Variants in DDX18 observed in about 807,000 individuals in gnomAD.
DDX18 encodes DEAD-box helicase 18.
In DDX18, 23 loss-of-function variants were observed where a neutral mutation model predicts 73.5. That is an observed-to-expected ratio of 0.31 (90% CI 0.23 to 0.44). The LOEUF (loss-of-function observed/expected upper bound fraction) is 0.44, where lower values mean the gene tolerates loss of function less well. Among genes scored for constraint, DDX18 ranks in the 20% least tolerant of loss-of-function variants. The pLI is 1.00. For missense variants in DDX18, 753 were observed against 792.9 expected (o/e 0.95, Z 0.60); for synonymous variants, 268 against 282.7 (o/e 0.95, Z 0.52).
chr2:117,816,417 A>G (rs1466980778), intron 1 of DDX18, among the ~76,000 whole-genome samples: 1 of 144,766 alleles, frequency 6.9e-6, no homozygotes, highest in Non-Finnish European at 1.5e-5. Flanking sequence ...TTTTTATTTT[A>G]TTTTTTTTTC....
At chr2:117,827,371 G>T (rs1344531429) in intron 11 of DDX18, 1 of 152,084 alleles carries the variant, frequency 6.6e-6, no homozygotes, top group East Asian at 1.9e-4. Context: ...AAGTTCTAGG[G>T]TACATGTGCA....
chr2:117,823,742 A>G (rs1573411867), intron 7 of DDX18, among the ~76,000 whole-genome samples: 1 of 152,298 alleles, frequency 6.6e-6, no homozygotes, highest in African/African-American at 2.4e-5. Context: ...CTTAGGGGAA[A>G]GCATTCAGTC....
rs1680038450 is a variant in DDX18, at chr2:117,832,206, TACTG to T, written c.*1484_*1487del. Reference sequence around the variant, plus strand: ...AAAAACAAAGGGAAGAATATTTAATTACTGAGCAGAAGTAAATACTGTTGGCATT... The same window carrying T: ...AAAAACAAAGGGAAGAATATTTAATTAGCAGAAGTAAATACTGTTGGCATT... On this transcript the variant is annotated 3_prime_UTR_variant, in exon 14 of 14. Transcript: ENST00000263239. 6.6e-6 allele frequency: 1 copy of T among 152,222 alleles called. No homozygotes were observed. Among genetic ancestry groups the T allele is most frequent in the African/African-American group, 2.4e-5 (1 of 41,450 alleles). The allele number at this position is 152,222 out of a possible 1,614,324, so 9.4% of individuals were successfully genotyped here.
At chr2:117,829,924 C>A (rs547322494) in intron 13 of DDX18, among the ~76,000 whole-genome samples, 70 of 152,242 alleles carry the variant, frequency 4.6e-4, no homozygotes, top group African/African-American at 1.7e-3. Flanking sequence ...AAGAAAGTGG[C>A]AAGTTCAGCA....
intron 10 of DDX18, 61 bp downstream of exon 10, chr2:117,825,660 C>A (rs573693594): frequency 1.8e-5 from 28 of 1,580,010 alleles, no homozygotes; most frequent in South Asian, 1.1e-4. Context: ...ACTTATTCTC[C>A]CAGTTCCCTG....
intron 7 of DDX18, chr2:117,824,190 A>C (rs901600277): frequency 1.3e-5 from 2 of 155,566 alleles, no homozygotes; most frequent in African/African-American, 4.8e-5. Flanking sequence ...TTTTTAATTT[A>C]TTGGAGAGTT....
intron 11 of DDX18, chr2:117,828,214 T>C (rs1016787482): frequency 2.0e-5 from 3 of 152,198 alleles, no homozygotes; most frequent in African/African-American, 7.2e-5. Context: ...CTTAGTAGAT[T>C]CTGGATATTA....
At position 117,821,301 on chromosome 2, in the gene DDX18, G is replaced by A. The variant is rs200476856; in HGVS notation, c.650+5G>A. 3.5e-5 allele frequency: 56 copies of A among 1,597,990 alleles called. No homozygotes were observed. Among genetic ancestry groups the A allele is most frequent in the Non-Finnish European group, 4.2e-5 (49 of 1,175,372 alleles). On this transcript the variant is annotated splice_donor_5th_base_variant and intron_variant, in intron 4 of 13. Coordinates refer to ENST00000263239, the MANE Select transcript of DDX18 (RefSeq NM_006773.4). ...CAGACCACTTCTGGAAGGCAGGTAT[G>A]ATTAACATTGAAGCTTAGATATTGG... is the stretch of plus-strand genomic sequence containing the variant.
At chr2:117,821,095 C>T in intron 3 of DDX18, 66 bp from the exon 4 acceptor site, 1 of 1,398,088 alleles carries the variant, frequency 7.2e-7, no homozygotes, top group Admixed American at 3.0e-5. Context: ...TAGATTTAGG[C>T]AACTGTAGCA....
Position 117,830,970 on chromosome 2 carries a change from G to A in DDX18, c.*246G>A. The stretch of plus-strand genomic sequence containing the variant: ...GCAAGGAATATCTGGTGTTTCTTGT[G>A]ATGATAATATTTTAATTTTAAATAT... On this transcript the variant is annotated 3_prime_UTR_variant, in exon 14 of 14. Transcript: ENST00000263239. 2.3e-6 allele frequency: 1 copy of A among 437,740 alleles called. No individual in the cohort carries two copies. The highest frequency in any genetic ancestry group is 4.0e-6 in the Non-Finnish European group (1 of 248,786). 27.1% of individuals were successfully genotyped at this position (437,740 alleles called of 1,614,324 possible). A position where few individuals can be genotyped will look rare whatever the true frequency, so the allele number is the denominator to read the frequency against.
chr2:117,821,424 G>A (rs1679845240), intron 4 of DDX18, 128 bp downstream of exon 4: 1 of 1,264,340 alleles, frequency 7.9e-7, no homozygotes. Flanking sequence ...TACATTAAAG[G>A]CTTTAAGTTA....
chr2:117,827,276 C>T (rs182083573), intron 11 of DDX18: 1 of 152,368 alleles, frequency 6.6e-6, no homozygotes, highest in East Asian at 1.9e-4. Context: ...CATCGCTGAT[C>T]TCCTGCCTCC....
At chr2:117,822,324 C>G (rs574243096) in intron 7 of DDX18, 63 bp downstream of exon 7, 2 of 1,347,636 alleles carry the variant, frequency 1.5e-6, no homozygotes, top group Admixed American at 1.7e-5. Context: ...AAGAGTTGTT[C>G]CTATAGAAAA....
At position 117,832,320 on chromosome 2, in the gene DDX18, C is replaced by T. The variant is rs1680041441; in HGVS notation, c.*1596C>T. On this transcript the variant is annotated 3_prime_UTR_variant, in exon 14 of 14. Transcript: ENST00000263239. ...TAAGTCATCTACCTACTACTTGTAA[C>T]CAGCTTGTTTCATAACATGTTATTT... is the stretch of plus-strand genomic sequence containing the variant. 6.6e-6 allele frequency: 1 copy of T among 152,148 alleles called. No homozygotes were observed. Among genetic ancestry groups the T allele is most frequent in the Admixed American group, 6.5e-5 (1 of 15,276 alleles). 9.4% of individuals were successfully genotyped at this position (152,148 alleles called of 1,614,324 possible).
intron 13 of DDX18, 87 bp downstream of exon 13, chr2:117,829,553 T>C (rs188566716): frequency 1.3e-4 from 175 of 1,298,880 alleles, no homozygotes; most frequent in Non-Finnish European, 1.8e-4. Flanking sequence ...TGGATTGGTA[T>C]GTGTTCTGGC....
intron 2 of DDX18, among the ~76,000 whole-genome samples, chr2:117,818,208 G>A (rs1380507738): frequency 6.6e-6 from 1 of 152,178 alleles, no homozygotes; most frequent in Non-Finnish European, 1.5e-5. Context: ...AGTAAGCTCG[G>A]ATGAAAGAAT....
chr2:117,818,756 A>G (rs1679799835), intron 2 of DDX18, among the ~76,000 whole-genome samples: 1 of 152,160 alleles, frequency 6.6e-6, no homozygotes, highest in Non-Finnish European at 1.5e-5. Context: ...TCCTGGGCTC[A>G]AGTGATCCTC....
Position 117,822,019 on chromosome 2 carries a change from C to A in DDX18, c.909C>A (p.Asn303Lys). 1 of 1,614,014 alleles carries A rather than the reference C, an allele frequency of 6.2e-7. No individual in the cohort carries two copies. The highest frequency in any genetic ancestry group is 1.6e-4 in the Middle Eastern group (1 of 6,062). The stretch of plus-strand genomic sequence containing the variant: ...CACAGAAACTTGGTAATGGGATCAA[C>A]ATCATTGTGGCCACACCAGGCCGTC... ...AEAQKLGNGI[N>K]IIVATPGRLL... Residue 303 changes from asparagine to lysine, a missense_variant, in exon 6 of 14, where the codon AAC (asparagine) becomes AAA (lysine). Asn to Lys is a moderately conservative substitution (Grantham distance 94). Around this residue, in one of 3 missense-constraint regions of DDX18, gnomAD observed 345 missense variants for 352.0 expected, o/e 0.98. Coordinates refer to ENST00000263239, the MANE Select transcript of DDX18 (RefSeq NM_006773.4).
rs1680021516 is a variant in DDX18, at chr2:117,831,357, T to C, written c.*633T>C. The C allele has an allele frequency of 6.6e-6, 1 of 152,234 alleles. No individual in the cohort carries two copies. The highest frequency in any genetic ancestry group is 2.4e-5 in the African/African-American group (1 of 41,456). 9.4% of individuals were successfully genotyped at this position (152,234 alleles called of 1,614,324 possible). ...GTGTTGCATTTTTTGGAGCAAAAAC[T>C]ATGGGTTGTAATTTGAATAAAGTGT... On this transcript the variant is annotated 3_prime_UTR_variant, in exon 14 of 14. Transcript: ENST00000263239.
Sources: allele counts gnomAD v4.1 joint callset (sites outside exome capture counted in the v4.1 genomes callset), GRCh38; gene constraint gnomAD v4.1.1; regional missense constraint gnomAD v4.1.1; transcripts MANE v1.5; gene names NCBI Gene and HGNC (gene_info 2026-07-23, HGNC 2026-07-21).